The following TMEM18 variants were observed in gnomAD, a reference collection of about 807,000 sequenced individuals.
TMEM18 encodes transmembrane protein 18.
Under a neutral mutation model 17.4 loss-of-function variants are expected in TMEM18, and 14 were observed. The observed-to-expected ratio is 0.80, with a 90% CI of 0.53 to 1.25. TMEM18 has a LOEUF of 1.25. TMEM18 is among the 50% of genes most tolerant of loss of function. The pLI is 0.00. For synonymous variants in TMEM18, 86 were observed against 66.1 expected, an observed-to-expected ratio of 1.30 and a Z score of -1.46; for missense variants, 187 against 172.1, an observed-to-expected ratio of 1.09 and a Z score of -0.48.
rs1195202309 is a variant in TMEM18, at chr2:668,048, C to T, written c.*1532G>A. 2 of 152,234 alleles carry T rather than the reference C, an allele frequency of 1.3e-5. No individual in the cohort carries two copies. The highest frequency in any genetic ancestry group is 1.5e-5 in the Non-Finnish European group (1 of 68,048). 9.4% of individuals were successfully genotyped at this position (152,234 alleles called of 1,614,324 possible). The stretch of plus-strand genomic sequence containing the variant: ...GGCCTCGGGAAACTTACAATCATGG[C>T]AGAGGGAGAAACAAGCACCTTCTTC... On this transcript the variant is annotated 3_prime_UTR_variant, in exon 5 of 5. Transcript: ENST00000281017.
At chr2:673,461 T>C (rs1321415916) in intron 2 of TMEM18, among the ~76,000 whole-genome samples, 1 of 152,164 alleles carries the variant, frequency 6.6e-6, no homozygotes, top group Non-Finnish European at 1.5e-5. Context: ...CTTCAGCTAA[T>C]TCGTGGGTAA....
chr2:676,254 G>C lies in TMEM18; in HGVS notation c.58-624C>G, dbSNP rs1227465732. 2.8e-6 allele frequency: 4 copies of C among 1,432,496 alleles called. No homozygotes were observed. The African/African-American group carries it at 5.7e-5, about 20-fold the overall frequency. The allele number at this position is 1,432,496 out of a possible 1,614,324, so 88.7% of individuals were successfully genotyped here. A position where few individuals can be genotyped will look rare whatever the true frequency, so the allele number is the denominator to read the frequency against. On this transcript the variant is annotated intron_variant, in intron 1 of 4. Coordinates refer to ENST00000281017, the MANE Select transcript of TMEM18 (RefSeq NM_152834.4). ...CCTGCTGTACCTGGGGACAGTGTCT[G>C]GCTCAGGGACCTGAAGTAGCCAGGC...
At position 664,380 on chromosome 2, in the gene TMEM18, A is replaced by G. The variant is rs530391949; in HGVS notation, c.*5200T>C. ...ACAAGCCAAAGCCAAACTACAGACT[A>G]GTAACACATATTTCTGCCCTATATG... On this transcript the variant is annotated 3_prime_UTR_variant, in exon 5 of 5. Transcript: ENST00000281017. 2.0e-4 allele frequency among the ~76,000 whole-genome samples: 31 copies of G among 152,394 alleles called. No homozygotes were observed. The highest frequency in any genetic ancestry group is 7.5e-4 in the African/African-American group (31 of 41,596).
chr2:672,759 C>T, intron 3 of TMEM18, 49 bp downstream of exon 3: 1 of 1,409,384 alleles, frequency 7.1e-7, no homozygotes, highest in Non-Finnish European at 9.3e-7. Context: ...GGGCCATTCC[C>T]AGGGACACCC....
At chr2:675,191 G>A (rs1359281756) in intron 2 of TMEM18, among the ~76,000 whole-genome samples, 2 of 152,208 alleles carry the variant, frequency 1.3e-5, no homozygotes, top group African/African-American at 2.4e-5. Context: ...CAGTGCATGA[G>A]CACAGCTGCC....
rs1678646999 is a variant in TMEM18, at chr2:665,184, C to A, written c.*4396G>T. 6.6e-6 allele frequency among the ~76,000 whole-genome samples: 1 copy of A among 152,172 alleles called. No individual in the cohort carries two copies. The highest frequency in any genetic ancestry group is 1.9e-4 in the East Asian group (1 of 5,202). ...CGCCCAGCTCAGATGGAGCATCACTCCCACATACAACAGAACCCAGAGATG... is the reference window on the plus strand; with the variant it reads ...CGCCCAGCTCAGATGGAGCATCACTACCACATACAACAGAACCCAGAGATG... On this transcript the variant is annotated 3_prime_UTR_variant, in exon 5 of 5. Coordinates refer to ENST00000281017, the MANE Select transcript of TMEM18 (RefSeq NM_152834.4).
chr2:674,538 C>A (rs992873282), intron 2 of TMEM18, among the ~76,000 whole-genome samples: 1 of 152,202 alleles, frequency 6.6e-6, no homozygotes, highest in Non-Finnish European at 1.5e-5. Flanking sequence ...CTGTGGGAGG[C>A]AAAGGAGCCC....
chr2:676,095 T>C, intron 1 of TMEM18: 2 of 1,322,060 alleles, frequency 1.5e-6, no homozygotes, highest in Non-Finnish European at 2.0e-6. Flanking sequence ...TTCAGACTCC[T>C]TAGTCAGCAC....
intron 2 of TMEM18, among the ~76,000 whole-genome samples, chr2:674,602 C>A (rs774855084): frequency 6.6e-6 from 1 of 152,240 alleles, no homozygotes; most frequent in African/African-American, 2.4e-5. Flanking sequence ...ACAGAGCTTG[C>A]TCTGAGCGCC....
rs1372275880 is a variant in TMEM18 at position 664,806 on chromosome 2, C to G, written c.*4774G>C. 1.1e-4 allele frequency among the ~76,000 whole-genome samples: 17 copies of G among 152,178 alleles called. No individual in the cohort carries two copies. Among genetic ancestry groups the G allele is most frequent in the Admixed American group, 1.0e-3 (16 of 15,270 alleles). ...TGTAGGCATGTGAGGTTGGAGATTTCTGTGTTGCTGTTGTCAGTAAAACAA... is the reference window on the plus strand; with the variant it reads ...TGTAGGCATGTGAGGTTGGAGATTTGTGTGTTGCTGTTGTCAGTAAAACAA... On this transcript the variant is annotated 3_prime_UTR_variant, in exon 5 of 5. Transcript: ENST00000281017.
rs1384607194 is a variant in TMEM18 at position 664,896 on chromosome 2, A to G, written c.*4684T>C. Among the ~76,000 whole-genome samples, 2 of 152,188 alleles carry G rather than the reference A, an allele frequency of 1.3e-5. No homozygotes were observed. Among genetic ancestry groups the G allele is most frequent in the Non-Finnish European group, 2.9e-5 (2 of 68,034 alleles). On this transcript the variant is annotated 3_prime_UTR_variant, in exon 5 of 5. Coordinates refer to ENST00000281017, the MANE Select transcript of TMEM18 (RefSeq NM_152834.4). ...CGTAAATTCAGCCTATACCCCTACA[A>G]TGTGTTTACTATGCAGGCATTGAAA...
chr2:672,293 C>A (rs1275841049), intron 3 of TMEM18, among the ~76,000 whole-genome samples: 2 of 152,118 alleles, frequency 1.3e-5, no homozygotes, highest in African/African-American at 4.8e-5. Flanking sequence ...GTTCCGAGTC[C>A]CCTGGGATGA....
chr2:675,949 G>A, intron 1 of TMEM18: 1 of 1,365,494 alleles, frequency 7.3e-7, no homozygotes, highest in Non-Finnish European at 9.6e-7. Flanking sequence ...ATGTTTTTAA[G>A]GTGGGTATAA....
At chr2:669,988 G>A (rs925794817) in intron 3 of TMEM18, 138 bp from the exon 4 acceptor site, 17 of 647,152 alleles carry the variant, frequency 2.6e-5, no homozygotes, top group Non-Finnish European at 4.6e-5. Flanking sequence ...GCCCACCCTT[G>A]GGAGCAGCGG....
chr2:677,245 C>G (rs755868201), intron 1 of TMEM18, 44 bp downstream of exon 1: 2 of 1,587,884 alleles, frequency 1.3e-6, no homozygotes, highest in Non-Finnish European at 8.5e-7. Flanking sequence ...TACGCCTCTC[C>G]GCCGTCCTCC....
Position 677,308 on chromosome 2 carries a change from C to G in TMEM18, c.38G>C (p.Ser13Thr). Residue 13 changes from serine (S) to threonine (T), a missense_variant, in exon 1 of 5, where the codon AGC becomes ACC. Ser to Thr is a moderately conservative substitution (Grantham distance 58). Coordinates refer to ENST00000281017, the MANE Select transcript of TMEM18 (RefSeq NM_152834.4). ...SAFSVSSFPV[S>T]IPAVLTQTDW... ...AGTTACCGTGAGCACGGCTGGGATG[C>G]TGACGGGGAAAGAGCTGACAGAGAA... The G allele has an allele frequency of 6.2e-7, 1 of 1,612,254 alleles. No homozygotes were observed. The highest frequency in any genetic ancestry group is 8.5e-7 in the Non-Finnish European group (1 of 1,179,802).
Position 668,158 on chromosome 2 carries a change from TATG to T in TMEM18, c.*1419_*1421del, listed in dbSNP as rs1186302483. 3 of 152,166 alleles carry T rather than the reference TATG, an allele frequency of 2.0e-5. No individual in the cohort carries two copies. Among genetic ancestry groups the T allele is most frequent in the Admixed American group, 6.5e-5 (1 of 15,282 alleles). 9.4% of individuals were successfully genotyped at this position (152,166 alleles called of 1,614,324 possible). ...GATCTTGTGAGAACTCCCTCTCTAT[TATG>T]ATAACAACATAGGGGAAACCACCCC... On this transcript the variant is annotated 3_prime_UTR_variant, in exon 5 of 5. Transcript: ENST00000281017.
At chr2:677,233 CCTACG>C in intron 1 of TMEM18, 51 bp downstream of exon 1, 14 of 1,571,440 alleles carry the variant, frequency 8.9e-6, no homozygotes, top group Non-Finnish European at 1.2e-5. Context: ...TGGGGCCTAC[CCTACG>C]CCTCTCCGCC....
chr2:677,095 A>G, intron 1 of TMEM18, 194 bp downstream of exon 1: 1 of 547,908 alleles, frequency 1.8e-6, no homozygotes, highest in East Asian at 4.1e-5. Context: ...GACCCCGCCC[A>G]CAGCGCGCGC....
Sources: gnomAD v4.1 joint callset for allele counts (sites outside exome capture counted in the v4.1 genomes callset) on GRCh38, gnomAD v4.1.1 for gene constraint, MANE v1.5 for transcripts, NCBI Gene and HGNC (gene_info 2026-07-23, HGNC 2026-07-21) for gene names.